CDH6: variants seen among roughly 807,000 people sequenced by gnomAD.
CDH6 encodes the protein cadherin-6.
CDH6 carries 31 observed loss-of-function variants against 78.0 expected under a neutral mutation model. The ratio of observed to expected loss-of-function variants is 0.40; its 90% CI spans 0.30 to 0.54. The LOEUF is 0.54. Ranked by LOEUF, CDH6 falls within the 20% of genes least tolerant of loss-of-function variation. The pLI, the probability that CDH6 is intolerant of heterozygous loss-of-function variation, is 0.56. For synonymous variants in CDH6, 376 were observed against 368.8 expected, an observed-to-expected ratio of 1.02 and a Z score of -0.23; for missense variants, 724 against 975.9, an observed-to-expected ratio of 0.74 and a Z score of 3.44.
chr5:31,220,662 A>C lies in CDH6; in HGVS notation c.-129+26776A>C, dbSNP rs923108224. ...GTACATAAAAACTATAATGCGTGCT[A>C]TGAAGAAGGTGGACCTGGAAATAAT... On this transcript the variant is annotated intron_variant, in intron 1 of 11. Coordinates refer to ENST00000265071, the MANE Select transcript of CDH6 (RefSeq NM_004932.4). 4.6e-5 allele frequency among the ~76,000 whole-genome samples: 7 copies of C among 152,338 alleles called. No individual in the cohort carries two copies. In the East Asian group the frequency reaches 1.2e-3, roughly 25 times the overall value.
At chr5:31,270,680 C>CT (rs1310646672) in intron 2 of CDH6, among the ~76,000 whole-genome samples, 1 of 151,826 alleles carries the variant, frequency 6.6e-6, no homozygotes, top group Admixed American at 6.6e-5. Context: ...CTTTTCCTTC[C>CT]TTTTTTTTAT....
intron 2 of CDH6, among the ~76,000 whole-genome samples, chr5:31,273,548 G>A (rs569707057): frequency 6.6e-5 from 10 of 152,068 alleles, no homozygotes; most frequent in Non-Finnish European, 1.5e-4. Context: ...CTAAGACCCC[G>A]ACAGACGATA....
intron 1 of CDH6, among the ~76,000 whole-genome samples, chr5:31,243,149 T>G (rs560526932): frequency 1.3e-5 from 2 of 152,246 alleles, no homozygotes; most frequent in South Asian, 4.1e-4. Context: ...CTCAAAATCT[T>G]GCAGTTCTTC....
chr5:31,323,418 G>C lies in CDH6; in HGVS notation c.*110G>C, dbSNP rs552706984. The stretch of plus-strand genomic sequence containing the variant: ...CTTCTCTGTTCTACCCGTTCCAAAA[G>C]CCAATGGCTGCAGTCCGTGTGGATC... On this transcript the variant is annotated 3_prime_UTR_variant, in exon 12 of 12. Transcript: ENST00000265071. 6.4e-4 allele frequency: 803 copies of C among 1,250,168 alleles called. 5 individuals are homozygous for C. Among genetic ancestry groups the C allele is most frequent in the Middle Eastern group, 5.6e-3 (20 of 3,562 alleles). 77.4% of individuals were successfully genotyped at this position (1,250,168 alleles called of 1,614,324 possible).
At chr5:31,238,346 T>C (rs1159834993) in intron 1 of CDH6, among the ~76,000 whole-genome samples, 3 of 152,188 alleles carry the variant, frequency 2.0e-5, no homozygotes, top group African/African-American at 7.2e-5. Flanking sequence ...TTACAAAGTA[T>C]ATTTTACTAT....
chr5:31,212,707 A>C (rs1016540851), intron 1 of CDH6, among the ~76,000 whole-genome samples: 1 of 152,070 alleles, frequency 6.6e-6, no homozygotes, highest in Non-Finnish European at 1.5e-5. Flanking sequence ...ACGACTGGAG[A>C]AAAGTGATAG....
At chr5:31,216,620 A>G (rs1315091060) in intron 1 of CDH6, among the ~76,000 whole-genome samples, 1 of 150,686 alleles carries the variant, frequency 6.6e-6, no homozygotes, top group Non-Finnish European at 1.5e-5. Flanking sequence ...AAAAATCTTT[A>G]CTATCTGGCC....
chr5:31,285,072 C>G (rs1490303432), intron 2 of CDH6, among the ~76,000 whole-genome samples: 1 of 152,206 alleles, frequency 6.6e-6, no homozygotes, highest in African/African-American at 2.4e-5. Context: ...GGCACTAGAG[C>G]TTGAGGGAAA....
chr5:31,282,338 A>G lies in CDH6; in HGVS notation c.229-11624A>G, dbSNP rs145409733. 7.2e-5 allele frequency among the ~76,000 whole-genome samples: 11 copies of G among 152,178 alleles called. No homozygotes were observed. In the East Asian group the frequency reaches 1.9e-3, roughly 27 times the overall value. The stretch of plus-strand genomic sequence containing the variant: ...CCTGCATTCTTTGGCTTCTCAGCTC[A>G]TGGCGCCTTCCTCCGTCTTCAAGCC... On this transcript the variant is annotated intron_variant, in intron 2 of 11. Transcript: ENST00000265071.
rs536934304 is a variant in CDH6 at position 31,302,856 on chromosome 5, A to G, written c.999+558A>G. Among the ~76,000 whole-genome samples, 130 of 146,880 alleles carry G rather than the reference A, an allele frequency of 8.9e-4. 1 individual carries two copies. The highest frequency in any genetic ancestry group is 2.8e-3 in the African/African-American group (111 of 39,482). On this transcript the variant is annotated intron_variant, in intron 6 of 11. Coordinates refer to ENST00000265071, the MANE Select transcript of CDH6 (RefSeq NM_004932.4). ...AGAAAGAAAGAAAGAAAGAAAGAGA[A>G]AGAAAGGAAGAAAGGAGGGAAGGAA...
At chr5:31,312,824 A>G (rs1194719921) in intron 7 of CDH6, among the ~76,000 whole-genome samples, 2 of 152,132 alleles carry the variant, frequency 1.3e-5, no homozygotes, top group Admixed American at 6.5e-5. Flanking sequence ...GTCATCTCCT[A>G]TCTCCTTCTT....
chr5:31,232,900 A>G (rs1741350661), intron 1 of CDH6, among the ~76,000 whole-genome samples: 1 of 152,226 alleles, frequency 6.6e-6, no homozygotes, highest in Middle Eastern at 3.2e-3. Flanking sequence ...TTCCTCCAAA[A>G]TAGGTCCTTT....
chr5:31,261,691 T>C (rs1561047404), intron 1 of CDH6, among the ~76,000 whole-genome samples: 1 of 152,216 alleles, frequency 6.6e-6, no homozygotes, highest in Non-Finnish European at 1.5e-5. Flanking sequence ...TAAGTCTAGA[T>C]AGCATTATAG....
intron 2 of CDH6, among the ~76,000 whole-genome samples, chr5:31,286,312 G>A (rs2149943156): frequency 6.6e-6 from 1 of 152,220 alleles, no homozygotes; most frequent in East Asian, 1.9e-4. Flanking sequence ...GGCTAAGTGG[G>A]GAATGAATTG....
chr5:31,311,702 C>T lies in CDH6; in HGVS notation c.1254-1616C>T, dbSNP rs570179350. 2.6e-5 allele frequency among the ~76,000 whole-genome samples: 4 copies of T among 152,230 alleles called. No homozygotes were observed. In the East Asian group the frequency reaches 5.8e-4, roughly 22 times the overall value. ...GGCTGCAGAAAACTTGTAATCATGG[C>T]GAAATGTAAAGGGGAAGCACTACAC... On this transcript the variant is annotated intron_variant, in intron 7 of 11. Transcript: ENST00000265071.
Position 31,317,355 on chromosome 5 carries a change from C to T in CDH6, c.1513-20C>T, listed in dbSNP as rs940746456. 2.6e-6 allele frequency: 3 copies of T among 1,169,460 alleles called. No homozygotes were observed. Among genetic ancestry groups the T allele is most frequent in the Non-Finnish European group, 2.5e-6 (2 of 798,682 alleles). The allele number at this position is 1,169,460 out of a possible 1,614,324, so 72.4% of individuals were successfully genotyped here. A position where few individuals can be genotyped will look rare whatever the true frequency, so the allele number is the denominator to read the frequency against. On this transcript the variant is annotated intron_variant, in intron 9 of 11. Coordinates refer to ENST00000265071, the MANE Select transcript of CDH6 (RefSeq NM_004932.4). The stretch of plus-strand genomic sequence containing the variant: ...TTGAGTTATCAAAATTTTATGGCAG[C>T]GTTTTGGTTTTTCTCTTAGTTGATT...
At chr5:31,221,031 G>T (rs368294889) in intron 1 of CDH6, among the ~76,000 whole-genome samples, 2 of 152,122 alleles carry the variant, frequency 1.3e-5, no homozygotes, top group East Asian at 1.9e-4. Flanking sequence ...GGCTGTTCAG[G>T]GGGGAGACAT....
chr5:31,274,446 G>A (rs999027654), intron 2 of CDH6, among the ~76,000 whole-genome samples: 1 of 152,198 alleles, frequency 6.6e-6, no homozygotes, highest in African/African-American at 2.4e-5. Context: ...ACAAGGAACC[G>A]ATCCCAGATC....
intron 2 of CDH6, among the ~76,000 whole-genome samples, chr5:31,286,343 G>C (rs10472767): frequency 0.41 from 63,010 of 151,996 alleles, 13,116 homozygotes; most frequent in Middle Eastern, 0.45. Flanking sequence ...GGAGGAGACT[G>C]TAACTTAGAC....
Sources: allele counts gnomAD v4.1 joint callset (sites outside exome capture counted in the v4.1 genomes callset), GRCh38; gene constraint gnomAD v4.1.1; transcripts MANE v1.5; gene names NCBI Gene and HGNC (gene_info 2026-07-23, HGNC 2026-07-21).